The following ZFYVE9 variants were observed in gnomAD, a reference collection of about 807,000 sequenced individuals.
ZFYVE9 encodes zinc finger FYVE-type containing 9, also known as zinc finger FYVE domain-containing protein 9.
Under a neutral mutation model 126.7 loss-of-function variants are expected in ZFYVE9, and 43 were observed. The observed-to-expected ratio is 0.34, with a 90% CI of 0.27 to 0.44. The LOEUF is 0.44. Ranked by LOEUF, ZFYVE9 falls within the 20% of genes least tolerant of loss-of-function variation. The probability of loss-of-function intolerance (pLI) is 1.00; values close to 1 mark genes in which losing one functional copy is unlikely to be tolerated. For missense variants in ZFYVE9, 1,476 were observed against 1,697.0 expected (o/e 0.87, Z 2.29); for synonymous variants, 521 against 597.4 (o/e 0.87, Z 1.87).
intron 1 of ZFYVE9, among the ~76,000 whole-genome samples, chr1:52,153,667 T>A (rs192538128): frequency 2.5e-4 from 38 of 152,308 alleles, no homozygotes; most frequent in Non-Finnish European, 4.9e-4. Flanking sequence ...TGCTTTCTAG[T>A]CCTTGGACAC....
At chr1:52,345,280 C>T (rs1044623002) in intron 18 of ZFYVE9, among the ~76,000 whole-genome samples, 2 of 152,154 alleles carry the variant, frequency 1.3e-5, no homozygotes, top group African/African-American at 4.8e-5. Context: ...TCCCTCAACC[C>T]TTTAGCTCCG....
chr1:52,212,194 G>C (rs1423212073), intron 1 of ZFYVE9, among the ~76,000 whole-genome samples: 2 of 152,000 alleles, frequency 1.3e-5, no homozygotes, highest in African/African-American at 2.4e-5. Context: ...GCCCAGGCTG[G>C]AGTGCAGTGT....
At chr1:52,309,166 A>G (rs1234010033) in intron 13 of ZFYVE9, among the ~76,000 whole-genome samples, 1 of 152,140 alleles carries the variant, frequency 6.6e-6, no homozygotes, top group Non-Finnish European at 1.5e-5. Context: ...TGGATAATGA[A>G]TGATAACTAG....
rs117108334 is a variant in ZFYVE9, at chr1:52,266,024, A to C, written c.2279-631A>C. On this transcript the variant is annotated intron_variant, in intron 5 of 18. Transcript: ENST00000287727. ...CTCTTAAGGAAATGTTTGGTCTCCT[A>C]TAAAGAAACCAGGCTCCAACCTTTA... Among the ~76,000 whole-genome samples the C allele has an allele frequency of 1.8e-4, 28 of 152,310 alleles. 1 individual carries two copies. The East Asian group carries it at 5.2e-3, about 28-fold the overall frequency.
chr1:52,331,154 C>G (rs2147868562), intron 13 of ZFYVE9, among the ~76,000 whole-genome samples: 1 of 152,108 alleles, frequency 6.6e-6, no homozygotes, highest in East Asian at 1.9e-4. Context: ...CAGGTGTGAG[C>G]CACCGGGCCT....
chr1:52,309,191 A>G (rs1485093175), intron 13 of ZFYVE9, among the ~76,000 whole-genome samples: 2 of 152,154 alleles, frequency 1.3e-5, no homozygotes, highest in Admixed American at 1.3e-4. Context: ...TAGAAAGAGA[A>G]GGGCAGACGG....
At chr1:52,330,112 C>T (rs975816838) in intron 13 of ZFYVE9, among the ~76,000 whole-genome samples, 1 of 152,154 alleles carries the variant, frequency 6.6e-6, no homozygotes, top group Admixed American at 6.5e-5. Flanking sequence ...GGTGCGATGG[C>T]TCACGCCTAT....
chr1:52,276,253 T>G (rs771534527), intron 8 of ZFYVE9, among the ~76,000 whole-genome samples: 3 of 152,196 alleles, frequency 2.0e-5, no homozygotes. Flanking sequence ...TCTAGCCATT[T>G]ATTATCAACT....
chr1:52,214,995 C>G (rs1645059883), intron 1 of ZFYVE9, among the ~76,000 whole-genome samples: 1 of 152,204 alleles, frequency 6.6e-6, no homozygotes, highest in South Asian at 2.1e-4. Flanking sequence ...TCCAGAAACA[C>G]CCTCACAGAC....
intron 7 of ZFYVE9, among the ~76,000 whole-genome samples, chr1:52,270,477 G>C (rs1171127729): frequency 1.3e-5 from 2 of 152,090 alleles, no homozygotes; most frequent in Non-Finnish European, 2.9e-5. Flanking sequence ...TGTTAGCCAG[G>C]ATGGTCTCGA....
intron 12 of ZFYVE9, among the ~76,000 whole-genome samples, 199 bp downstream of exon 12, chr1:52,296,176 T>TAC (rs148768305): frequency 0.035 from 5,238 of 150,208 alleles, 260 homozygotes; most frequent in African/African-American, 0.11. Flanking sequence ...TTCATATGTA[T>TAC]ACACACACAC....
rs1336334701 is a variant in ZFYVE9, at chr1:52,238,444, C to T, written c.1027C>T (p.Pro343Ser). ...GTCTGGTTTACCTTTGCTTCTCAAA[C>T]CAGACATGCCTAATGGGTCTGGAAG... ...LRSGLPLLLK[P>S]DMPNGSGRNN... Residue 343 changes from proline to serine, a missense_variant, in exon 4 of 19, where the codon CCA becomes TCA. Physicochemically the swap from Pro to Ser is moderately conservative, Grantham distance 74 (BLOSUM62 -1). This residue lies in a region of ZFYVE9 where 807 missense variants were observed against 794.6 expected (regional missense o/e 1.02). Coordinates refer to ENST00000287727, the MANE Select transcript of ZFYVE9 (RefSeq NM_004799.4). The T allele has an allele frequency of 6.2e-7, 1 of 1,614,062 alleles. No homozygotes were observed. Among genetic ancestry groups the T allele is most frequent in the Admixed American group, 1.7e-5 (1 of 60,002 alleles).
intron 4 of ZFYVE9, among the ~76,000 whole-genome samples, chr1:52,255,898 TTTTTCTTTTCTTTTCTTTTCTTTTC>T (rs71577260): frequency 0.031 from 3,191 of 102,048 alleles, 66 homozygotes; most frequent in African/African-American, 0.043. Context: ...CTATTTTGCT[TTTTTCTTTTCTTTTCTTTTCTTTTC>T]TTTTCTTTTC....
intron 13 of ZFYVE9, among the ~76,000 whole-genome samples, chr1:52,330,190 G>A (rs1446744198): frequency 1.3e-5 from 2 of 152,074 alleles, no homozygotes; most frequent in African/African-American, 2.4e-5. Context: ...CCAGCCTGAC[G>A]AACATGGAGA....
chr1:52,268,656 A>T (rs369549114), intron 7 of ZFYVE9, 24 bp downstream of exon 7: 187 of 1,609,620 alleles, frequency 1.2e-4, no homozygotes, highest in Non-Finnish European at 1.5e-4. Context: ...ACAGCAACTA[A>T]AATTGCATAG....
intron 12 of ZFYVE9, among the ~76,000 whole-genome samples, chr1:52,297,643 G>A (rs1645990671): frequency 6.6e-6 from 1 of 151,688 alleles, no homozygotes; most frequent in Non-Finnish European, 1.5e-5. Flanking sequence ...TGAGGAGTGG[G>A]TTTGGTGATT....
At chr1:52,263,437 T>C (rs1557488243) in intron 4 of ZFYVE9, among the ~76,000 whole-genome samples, 1 of 152,208 alleles carries the variant, frequency 6.6e-6, no homozygotes. Context: ...CACATGTAAC[T>C]ATCTTTCAAC....
chr1:52,175,639 C>A (rs1308581252), intron 1 of ZFYVE9, among the ~76,000 whole-genome samples: 1 of 152,080 alleles, frequency 6.6e-6, no homozygotes, highest in Non-Finnish European at 1.5e-5. Context: ...CTTTCAGGTA[C>A]ACCATTCAGA....
chr1:52,263,854 C>T lies in ZFYVE9; in HGVS notation c.2260C>T (p.His754Tyr), dbSNP rs1319916195. The change falls in exon 5 of 19, where the codon CAT becomes TAT. Residue 754 changes from histidine to tyrosine, a missense_variant. Physicochemically the swap from His to Tyr is moderately conservative, Grantham distance 83. Transcript: ENST00000287727. The part of the protein sequence containing the change: ...RKEARVCVIC[H>Y]SVLMNAQAWE... Reference sequence around the variant, plus strand: ...GGAAGCTAGAGTGTGTGTAATCTGCCATTCAGTGCTAATGAATGGTAAGTA... The same window carrying T: ...GGAAGCTAGAGTGTGTGTAATCTGCTATTCAGTGCTAATGAATGGTAAGTA... 7.0e-6 allele frequency: 11 copies of T among 1,568,994 alleles called. No individual in the cohort carries two copies. The highest frequency in any genetic ancestry group is 4.2e-5 in the African/African-American group (3 of 71,246).
Sources: gnomAD v4.1 joint callset for allele counts (sites outside exome capture counted in the v4.1 genomes callset) on GRCh38, gnomAD v4.1.1 for gene constraint, gnomAD v4.1.1 regional missense constraint, MANE v1.5 for transcripts, NCBI Gene and HGNC (gene_info 2026-07-23, HGNC 2026-07-21) for gene names.